The following XYLB variants were observed in gnomAD, a reference collection of about 807,000 sequenced individuals.
The protein encoded by XYLB is xylulose kinase.
XYLB carries 62 observed loss-of-function variants against 78.7 expected under a neutral mutation model. The observed-to-expected ratio is 0.79, with a 90% CI of 0.64 to 0.97. The LOEUF (loss-of-function observed/expected upper bound fraction) is 0.97. Among genes scored for constraint, XYLB ranks in the 50% least tolerant of loss-of-function variants. The pLI is 0.00. For missense variants in XYLB, 687 were observed against 676.8 expected, an observed-to-expected ratio of 1.02 and a Z score of -0.17; for synonymous variants, 245 against 247.4, an observed-to-expected ratio of 0.99 and a Z score of 0.09.
At chr3:38,386,654 A>G (rs900004787) in intron 15 of XYLB, among the ~76,000 whole-genome samples, 12 of 151,962 alleles carry the variant, frequency 7.9e-5, no homozygotes, top group Non-Finnish European at 1.6e-4. Context: ...TGATTTTTAA[A>G]TTGAAATCCT....
At chr3:38,445,265 C>A in the XYLB span, among the ~76,000 whole-genome samples, 1 of 152,094 alleles carries the variant, frequency 6.6e-6, no homozygotes, top group Non-Finnish European at 1.5e-5. Flanking sequence ...CTTTGTTAGG[C>A]CTGCTTGTCT....
rs531494383 is a variant in XYLB at position 38,402,136 on chromosome 3, A to G, written c.1533+1151A>G. Among the ~76,000 whole-genome samples the G allele has an allele frequency of 2.0e-5, 3 of 152,298 alleles. No individual in the cohort carries two copies. In the South Asian group the frequency reaches 6.2e-4, roughly 32 times the overall value. On this transcript the variant is annotated intron_variant, in intron 18 of 18. Coordinates refer to ENST00000207870, the MANE Select transcript of XYLB (RefSeq NM_005108.4). ...AGTGGGCCCAGGTGGATACTGGCAC[A>G]TAATAGTCTGTGATACAACTAAATG... is the stretch of plus-strand genomic sequence containing the variant.
rs192990334 is a variant in XYLB at position 38,351,024 on chromosome 3, C to T, written c.140+2392C>T. Among the ~76,000 whole-genome samples, 443 of 151,544 alleles carry T rather than the reference C, an allele frequency of 2.9e-3. 2 individuals carry two copies. The highest frequency in any genetic ancestry group is 9.3e-3 in the Admixed American group (142 of 15,190). On this transcript the variant is annotated intron_variant, in intron 2 of 18. Transcript: ENST00000207870. Reference sequence around the variant, plus strand: ...CTGGACGTGGTGGCAGGCATGGTGACAGGCACCGTGTATGCTGCACGCCTG... The same window carrying T: ...CTGGACGTGGTGGCAGGCATGGTGATAGGCACCGTGTATGCTGCACGCCTG...
chr3:38,378,069 CT>C (rs1192646341), intron 14 of XYLB, among the ~76,000 whole-genome samples: 3 of 152,220 alleles, frequency 2.0e-5, no homozygotes. Flanking sequence ...GACACTCTGT[CT>C]GGAAACTGTA....
chr3:38,392,388 T>A (rs1328438133), intron 15 of XYLB, among the ~76,000 whole-genome samples: 1 of 152,156 alleles, frequency 6.6e-6, no homozygotes, highest in African/African-American at 2.4e-5. Context: ...AACCTCCACC[T>A]CCCGGTTCAA....
chr3:38,407,679 A>T (rs994721951), intron 18 of XYLB, among the ~76,000 whole-genome samples: 44 of 152,174 alleles, frequency 2.9e-4, no homozygotes, highest in Non-Finnish European at 5.3e-4. Flanking sequence ...AAATAAAAGG[A>T]TGGAGGAAGA....
downstream of XYLB, among the ~76,000 whole-genome samples, chr3:38,419,341 T>A (rs1182177428): frequency 6.6e-6 from 1 of 152,022 alleles, no homozygotes; most frequent in Non-Finnish European, 1.5e-5. Flanking sequence ...TGTTTTCACC[T>A]TTTGGTGATT....
intron 2 of XYLB, among the ~76,000 whole-genome samples, chr3:38,355,242 A>G (rs947859524): frequency 1.3e-5 from 2 of 152,230 alleles, no homozygotes; most frequent in African/African-American, 2.4e-5. Context: ...AGTTGGACAT[A>G]TGTGGCCTAG....
rs774476552 is a variant in XYLB at position 38,358,357 on chromosome 3, G to GTGTGTGTGTGTGTGTT, written c.141-1981_141-1980insGTGTGTGTGTGTGTTT. On this transcript the variant is annotated intron_variant, in intron 2 of 18. Transcript: ENST00000207870. ...TGTGTGTGTGTGTGTGTGTGTGTGT[G>GTGTGTGTGTGTGTGTT]TTTGAGACAGAGCCTTGCTCTGTTG... Among the ~76,000 whole-genome samples the GTGTGTGTGTGTGTGTT allele has an allele frequency of 5.5e-5, 5 of 90,126 alleles. No homozygotes were observed. In the East Asian group the frequency reaches 1.1e-3, roughly 20 times the overall value. The allele number at this position is 90,126 out of a possible 152,430, so 59.1% of individuals were successfully genotyped here.
At chr3:38,360,594 A>G (rs1216545728) in intron 3 of XYLB, among the ~76,000 whole-genome samples, 186 bp downstream of exon 3, 1 of 152,252 alleles carries the variant, frequency 6.6e-6, no homozygotes, top group African/African-American at 2.4e-5. Context: ...CAACACTCCC[A>G]GGCTCAGAGG....
At chr3:38,351,241 T>G (rs2125548343) in intron 2 of XYLB, among the ~76,000 whole-genome samples, 1 of 149,992 alleles carries the variant, frequency 6.7e-6, no homozygotes, top group Non-Finnish European at 1.5e-5. Flanking sequence ...GATTTTCCAG[T>G]TTTCTGTTAT....
At chr3:38,373,605 A>G (rs1168034227) in intron 10 of XYLB, among the ~76,000 whole-genome samples, 1 of 152,090 alleles carries the variant, frequency 6.6e-6, no homozygotes, top group Non-Finnish European at 1.5e-5. Flanking sequence ...GGCAGTGCAG[A>G]CGATGTTGAG....
At chr3:38,415,129 A>T (rs1708744948), downstream of XYLB, among the ~76,000 whole-genome samples, 1 of 152,226 alleles carries the variant, frequency 6.6e-6, no homozygotes, top group African/African-American at 2.4e-5. Context: ...CAAAAGACCT[A>T]GTCTCTTACA....
Position 38,358,341 on chromosome 3 carries a change from G to GTA in XYLB, c.141-1997_141-1996insAT. 2.4e-5 allele frequency among the ~76,000 whole-genome samples: 2 copies of GTA among 84,460 alleles called. 1 individual carries two copies. Among genetic ancestry groups the GTA allele is most frequent in the South Asian group, 1.4e-3 (2 of 1,478 alleles). The allele number at this position is 84,460 out of a possible 152,430, so 55.4% of individuals were successfully genotyped here. ...TGTGTGTGTGTGTGTGTGTGTGTGT[G>GTA]TGTGTGTGTGTGTGTGTTTGAGACA... On this transcript the variant is annotated intron_variant, in intron 2 of 18. Coordinates refer to ENST00000207870, the MANE Select transcript of XYLB (RefSeq NM_005108.4).
intron 15 of XYLB, among the ~76,000 whole-genome samples, chr3:38,385,158 A>G (rs1707327608): frequency 1.3e-5 from 2 of 151,822 alleles, no homozygotes; most frequent in Non-Finnish European, 2.9e-5. Context: ...GCGCCATACC[A>G]CCTGGCTAAT....
the XYLB span, among the ~76,000 whole-genome samples, chr3:38,428,651 A>G: frequency 3.3e-5 from 5 of 152,230 alleles, no homozygotes; most frequent in African/African-American, 1.2e-4. Context: ...TTAGATTAGT[A>G]TTTGCATGTT....
downstream of XYLB, among the ~76,000 whole-genome samples, chr3:38,420,720 A>AT (rs915490354): frequency 9.1e-6 from 1 of 110,120 alleles, no homozygotes; most frequent in Admixed American, 9.8e-5. Flanking sequence ...TTCAAAGAAT[A>AT]TCCCCCTTTT....
chr3:38,380,116 AC>A (rs1359456900), intron 15 of XYLB, among the ~76,000 whole-genome samples: 1 of 152,114 alleles, frequency 6.6e-6, no homozygotes, highest in African/African-American at 2.4e-5. Context: ...TACTTTGTTA[AC>A]CCATGAATGG....
chr3:38,368,528 C>T (rs1032943739), intron 8 of XYLB, among the ~76,000 whole-genome samples: 2 of 152,168 alleles, frequency 1.3e-5, no homozygotes, highest in African/African-American at 2.4e-5. Context: ...TTCGGGATCT[C>T]CCACAAGGTG....
Sources: allele counts gnomAD v4.1 joint callset (sites outside exome capture counted in the v4.1 genomes callset), GRCh38; gene constraint gnomAD v4.1.1; transcripts MANE v1.5; gene names NCBI Gene and HGNC (gene_info 2026-07-23, HGNC 2026-07-21).